OR1J2: variants seen among roughly 807,000 people sequenced by gnomAD.
OR1J2 encodes olfactory receptor family 1 subfamily J member 2.
For synonymous variants in OR1J2, 142 were observed against 99.7 expected, an observed-to-expected ratio of 1.42 and a Z score of -2.52; for missense variants, 304 against 246.1, an observed-to-expected ratio of 1.24 and a Z score of -1.57.
At chr9:122,544,415 C>CTTTTTTTT in the OR1J2 span, among the ~76,000 whole-genome samples, 290 of 85,280 alleles carry the variant, frequency 3.4e-3, no homozygotes, top group Non-Finnish European at 3.9e-3. Context: ...CCTCTTTTTT[C>CTTTTTTTT]TTTTTTTTTT....
chr9:122,513,616 G>C (rs1828665807), downstream of OR1J2, among the ~76,000 whole-genome samples: 1 of 151,628 alleles, frequency 6.6e-6, no homozygotes, highest in Non-Finnish European at 1.5e-5. Context: ...ATGGTGGTTT[G>C]CTGCATGTAT....
chr9:122,505,242 T>C, the OR1J2 span, among the ~76,000 whole-genome samples: 197 of 152,280 alleles, frequency 1.3e-3, no homozygotes, highest in African/African-American at 4.6e-3. Flanking sequence ...GGAGACTAAG[T>C]CTAAGGTCAA....
At chr9:122,519,959 T>C in the OR1J2 span, 1 of 1,614,192 alleles carries the variant, frequency 6.2e-7, no homozygotes, top group South Asian at 1.1e-5. Flanking sequence ...AGGACGTAAT[T>C]GCCTCTGTGA....
At chr9:122,546,484 C>T in the OR1J2 span, among the ~76,000 whole-genome samples, 2 of 152,134 alleles carry the variant, frequency 1.3e-5, no homozygotes, top group African/African-American at 4.8e-5. Flanking sequence ...AACCTGCTGC[C>T]TTGCTGTGAG....
the OR1J2 span, among the ~76,000 whole-genome samples, chr9:122,552,174 C>T: frequency 6.2e-3 from 937 of 152,112 alleles, 10 homozygotes; most frequent in Middle Eastern, 0.027. Context: ...TGCCTAAGGT[C>T]AGAAGCTTCT....
chr9:122,464,123 GTGGGGGC>G, the OR1J2 span, among the ~76,000 whole-genome samples: 4 of 152,212 alleles, frequency 2.6e-5, no homozygotes, highest in African/African-American at 9.6e-5. Context: ...TGTGGCTGCT[GTGGGGGC>G]TGGGAGTGTG....
At chr9:122,501,214 A>G in the OR1J2 span, among the ~76,000 whole-genome samples, 1 of 152,208 alleles carries the variant, frequency 6.6e-6, no homozygotes, top group Non-Finnish European at 1.5e-5. Flanking sequence ...AGTAATAAAG[A>G]CATTGGACAG....
At chr9:122,536,147 CAGTATT>C in the OR1J2 span, among the ~76,000 whole-genome samples, 5 of 152,158 alleles carry the variant, frequency 3.3e-5, no homozygotes, top group Non-Finnish European at 5.9e-5. Context: ...AGAGGCCTGA[CAGTATT>C]AGTATTGATT....
the OR1J2 span, among the ~76,000 whole-genome samples, chr9:122,530,676 G>A: frequency 6.0e-4 from 92 of 152,306 alleles, no homozygotes; most frequent in African/African-American, 2.2e-3. Flanking sequence ...TATTTCACCT[G>A]GGTGCAGGCG....
At chr9:122,490,536 GTTA>G in the OR1J2 span, among the ~76,000 whole-genome samples, 5 of 152,122 alleles carry the variant, frequency 3.3e-5, no homozygotes, top group Non-Finnish European at 5.9e-5. Context: ...CTTGTAGAAA[GTTA>G]CAAGTAAGCA....
the OR1J2 span, among the ~76,000 whole-genome samples, chr9:122,530,527 G>A: frequency 1.3e-5 from 2 of 152,168 alleles, no homozygotes; most frequent in South Asian, 2.1e-4. Flanking sequence ...AATTAGTACA[G>A]TGCTGGCTTT....
the OR1J2 span, among the ~76,000 whole-genome samples, chr9:122,552,030 G>C: frequency 0.24 from 29,189 of 120,090 alleles, 3,315 homozygotes; most frequent in Middle Eastern, 0.31. Flanking sequence ...GAAGGGGTAG[G>C]ACACATACAC....
At chr9:122,526,648 A>G in the OR1J2 span, 1 of 1,614,066 alleles carries the variant, frequency 6.2e-7, no homozygotes, top group Non-Finnish European at 8.5e-7. Context: ...ATGTGGATGT[A>G]GGAGGTGACA....
chr9:122,470,591 G>A, the OR1J2 span, among the ~76,000 whole-genome samples: 110 of 152,308 alleles, frequency 7.2e-4, no homozygotes, highest in African/African-American at 2.5e-3. Context: ...TGGCCTAGTG[G>A]AGCTGTGAGA....
the OR1J2 span, among the ~76,000 whole-genome samples, chr9:122,480,273 G>T: frequency 6.6e-6 from 1 of 152,122 alleles, no homozygotes; most frequent in Non-Finnish European, 1.5e-5. Flanking sequence ...AGGACCATGA[G>T]ATTGACAAAA....
At chr9:122,578,256 C>G in the OR1J2 span, 1 of 152,128 alleles carries the variant, frequency 6.6e-6, no homozygotes, top group Non-Finnish European at 1.5e-5. Context: ...TGAGACCAGC[C>G]TGGCCTACAT....
At chr9:122,469,647 G>A in the OR1J2 span, among the ~76,000 whole-genome samples, 1 of 152,208 alleles carries the variant, frequency 6.6e-6, no homozygotes, top group South Asian at 2.1e-4. Context: ...AGTTTGGAGG[G>A]CTCAGAAGAA....
rs1181256831 is a variant in OR1J2, at chr9:122,511,067, A to G, written c.266A>G (p.Tyr89Cys). 6 of 1,345,194 alleles carry G rather than the reference A, an allele frequency of 4.5e-6. No individual in the cohort carries two copies. The highest frequency in any genetic ancestry group is 6.3e-6 in the Non-Finnish European group (6 of 945,800). The allele number at this position is 1,345,194 out of a possible 1,614,324, so 83.3% of individuals were successfully genotyped here. Residue 89 changes from tyrosine to cysteine, a missense_variant, in exon 1 of 1, where the codon TAC becomes TGC. Transcript: ENST00000335302. ...PKMLMDMRTK[Y>C]KSILYEECIS... ...ATGCTGATGGACATGCGGACTAAGT[A>G]CAAATCGATCCTCTATGAGGAATGC...
At chr9:122,577,949 TC>T in the OR1J2 span, among the ~76,000 whole-genome samples, 4 of 152,234 alleles carry the variant, frequency 2.6e-5, no homozygotes, top group Non-Finnish European at 5.9e-5. Context: ...ACCTAGTCTT[TC>T]ACTTTCAGGA....
Sources: gnomAD v4.1 joint callset for allele counts (sites outside exome capture counted in the v4.1 genomes callset) on GRCh38, gnomAD v4.1.1 for gene constraint, MANE v1.5 for transcripts, NCBI Gene and HGNC (gene_info 2026-07-23, HGNC 2026-07-21) for gene names.